The following KANK1 variants were observed in gnomAD, a reference collection of about 807,000 sequenced individuals.
The protein encoded by KANK1 is KN motif and ankyrin repeat domain-containing protein 1.
KANK1 carries 109 observed loss-of-function variants against 106.2 expected under a neutral mutation model. The observed-to-expected ratio is 1.03, with a 90% CI of 0.88 to 1.20. The LOEUF (loss-of-function observed/expected upper bound fraction) is 1.20, where lower values mean the gene tolerates loss of function less well. Ranked by LOEUF, KANK1 falls within the 50% of genes most tolerant of loss-of-function variation. The pLI, the probability that KANK1 is intolerant of heterozygous loss-of-function variation, is 0.00. For missense variants in KANK1, 2,399 were observed against 1,710.7 expected (o/e 1.40, Z -7.10); for synonymous variants, 873 against 652.2 (o/e 1.34, Z -5.16).
At chr9:532,850 C>T (rs2060126810) in intron 1 of KANK1, among the ~76,000 whole-genome samples, 2 of 152,108 alleles carry the variant, frequency 1.3e-5, no homozygotes, top group Admixed American at 1.3e-4. Context: ...CCTTGTTTTT[C>T]TTATCTCTTG....
At chr9:640,909 G>C (rs1838284800) in intron 1 of KANK1, among the ~76,000 whole-genome samples, 2 of 150,744 alleles carry the variant, frequency 1.3e-5, no homozygotes, top group Non-Finnish European at 2.9e-5. Context: ...TGTTAGCCAG[G>C]ATGGTCTCGA....
intron 1 of KANK1, among the ~76,000 whole-genome samples, chr9:605,617 A>T (rs568465358): frequency 1.3e-4 from 20 of 151,850 alleles, no homozygotes; most frequent in Non-Finnish European, 2.8e-4. Flanking sequence ...TCTTCTGTAC[A>T]GGTGGAGAGG....
At chr9:559,498 T>G (rs948029081) in intron 1 of KANK1, among the ~76,000 whole-genome samples, 2 of 152,114 alleles carry the variant, frequency 1.3e-5, no homozygotes, top group African/African-American at 4.8e-5. Context: ...CAGGCCTGGT[T>G]TCATTATATC....
At chr9:630,847 TG>T (rs1453811169) in intron 1 of KANK1, among the ~76,000 whole-genome samples, 1 of 151,278 alleles carries the variant, frequency 6.6e-6, no homozygotes, top group Non-Finnish European at 1.5e-5. Context: ...AGGAGCTCCT[TG>T]GGAGGCTGAG....
intron 1 of KANK1, among the ~76,000 whole-genome samples, chr9:566,470 C>T (rs1817837378): frequency 6.6e-6 from 1 of 152,216 alleles, no homozygotes; most frequent in Non-Finnish European, 1.5e-5. Flanking sequence ...TTTATACTTC[C>T]ACCAATACTG....
intron 1 of KANK1, among the ~76,000 whole-genome samples, chr9:593,259 C>G (rs1372440517): frequency 6.6e-6 from 1 of 151,762 alleles, no homozygotes; most frequent in Non-Finnish European, 1.5e-5. Context: ...TATTTTAACT[C>G]TGAAAATTAA....
At chr9:478,788 A>G (rs1011602707) in intron 3 of KANK1, among the ~76,000 whole-genome samples, 3 of 152,264 alleles carry the variant, frequency 2.0e-5, no homozygotes, top group African/African-American at 7.2e-5. Flanking sequence ...CCAATGAGTA[A>G]GATTTGATCA....
chr9:500,495 T>A (rs559004851), upstream of KANK1, among the ~76,000 whole-genome samples: 2 of 152,238 alleles, frequency 1.3e-5, no homozygotes, highest in African/African-American at 4.8e-5. Context: ...CTGCTGGCCC[T>A]ATGCTGATGA....
intron 1 of KANK1, among the ~76,000 whole-genome samples, chr9:671,385 C>G (rs150569582): frequency 0.013 from 1,977 of 152,106 alleles, 50 homozygotes; most frequent in African/African-American, 0.046. Flanking sequence ...GTGGCTCACA[C>G]CTGTAATCCC....
Position 742,242 on chromosome 9 carries a change from G to T in KANK1, c.3734G>T (p.Gly1245Val), listed in dbSNP as rs1178826965. 2 of 1,614,206 alleles carry T rather than the reference G, an allele frequency of 1.2e-6. No homozygotes were observed. Among genetic ancestry groups the T allele is most frequent in the Non-Finnish European group, 1.7e-6 (2 of 1,180,046 alleles). The stretch of plus-strand genomic sequence containing the variant: ...GCCCTCATGCTGGCGGTCAGTCACG[G>T]ACGGATAGACATGGTGAAGGGCCTT... ...QTALMLAVSH[G>V]RIDMVKGLLA... The change falls in exon 10 of 12, where the codon GGA becomes GTA. Residue 1245 changes from glycine to valine, a missense_variant. Transcript: ENST00000382297.
In KANK1 at chr9:732,459, G is replaced by T. The variant is rs141437447; in HGVS notation, c.3087G>T (p.Glu1029Asp). The change falls in exon 6 of 12, where the codon GAG becomes GAT. Residue 1029 changes from glutamate (E) to aspartate (D), a missense_variant. Coordinates refer to ENST00000382297, the MANE Select transcript of KANK1 (RefSeq NM_015158.5). ...SESDDECDVI[E>D]YPLEEEEEEE... Reference sequence around the variant, plus strand: ...CAGATGACGAGTGTGATGTCATTGAGTATCCTCTTGAAGAAGAGGAGGAGG... The same window carrying T: ...CAGATGACGAGTGTGATGTCATTGATTATCCTCTTGAAGAAGAGGAGGAGG... 2 of 1,613,998 alleles carry T rather than the reference G, an allele frequency of 1.2e-6. No homozygotes were observed. The highest frequency in any genetic ancestry group is 1.7e-6 in the Non-Finnish European group (2 of 1,179,978).
At chr9:613,732 A>G (rs1831123343) in intron 1 of KANK1, among the ~76,000 whole-genome samples, 1 of 152,162 alleles carries the variant, frequency 6.6e-6, no homozygotes, top group African/African-American at 2.4e-5. Context: ...AAAACAGGAT[A>G]CTTCTTGAAC....
chr9:686,736 A>C (rs1470844745), intron 2 of KANK1: 4 of 984,372 alleles, frequency 4.1e-6, no homozygotes, highest in Non-Finnish European at 4.8e-6. Flanking sequence ...AATGATTGTT[A>C]CCTATGAGCC....
rs562851008 is a variant in KANK1 at position 718,352 on chromosome 9, A to T, written c.2698+4888A>T. On this transcript the variant is annotated intron_variant, in intron 3 of 11. Transcript: ENST00000382297. The stretch of plus-strand genomic sequence containing the variant: ...TCTTAAGACAGGGTCTCACTCTGTC[A>T]CCCAGGCTAGAGTGCAGTGGCATGA... Among the ~76,000 whole-genome samples, 50 of 123,006 alleles carry T rather than the reference A, an allele frequency of 4.1e-4. 1 individual carries two copies. Among genetic ancestry groups the T allele is most frequent in the African/African-American group, 1.5e-3 (48 of 31,854 alleles). The allele number at this position is 123,006 out of a possible 152,430, so 80.7% of individuals were successfully genotyped here.
chr9:507,076 G>C (rs1038266316), intron 1 of KANK1, among the ~76,000 whole-genome samples: 6 of 150,544 alleles, frequency 4.0e-5, no homozygotes, highest in African/African-American at 7.3e-5. Flanking sequence ...AAGTCAACTT[G>C]TTTTCAAGTG....
chr9:622,748 A>C (rs1460186315), intron 1 of KANK1, among the ~76,000 whole-genome samples: 1 of 151,974 alleles, frequency 6.6e-6, no homozygotes, highest in Non-Finnish European at 1.5e-5. Context: ...CTAAAAATAC[A>C]AAAAATGAGC....
At chr9:731,350 G>A (rs143876266) in intron 5 of KANK1, 84 bp downstream of exon 5, 41 of 761,744 alleles carry the variant, frequency 5.4e-5, no homozygotes, top group East Asian at 3.1e-4. Flanking sequence ...GCGCCTAGTC[G>A]GGGAAGCGGC....
intron 1 of KANK1, among the ~76,000 whole-genome samples, chr9:529,174 C>G (rs1004501060): frequency 2.0e-5 from 3 of 151,990 alleles, no homozygotes; most frequent in African/African-American, 7.3e-5. Context: ...ACCATATTCT[C>G]TCTTTACAGG....
chr9:484,948 T>G, intron 3 of KANK1, among the ~76,000 whole-genome samples: 1 of 147,364 alleles, frequency 6.8e-6, no homozygotes, highest in Middle Eastern at 3.4e-3. Context: ...AAAAAAAAAG[T>G]TAGGCCTCAT....
Sources: allele counts gnomAD v4.1 joint callset (sites outside exome capture counted in the v4.1 genomes callset), GRCh38; gene constraint gnomAD v4.1.1; transcripts MANE v1.5; gene names NCBI Gene and HGNC (gene_info 2026-07-23, HGNC 2026-07-21).